The following FHIT variants were observed in gnomAD, a reference collection of about 807,000 sequenced individuals.
The protein encoded by FHIT is bis(5'-adenosyl)-triphosphatase.
In FHIT, 19 loss-of-function variants were observed where a neutral mutation model predicts 17.9. The observed-to-expected ratio is 1.06, with a 90% CI of 0.74 to 1.56. The LOEUF is 1.56. Among genes scored for constraint, FHIT ranks in the 40% most tolerant of loss-of-function variants. The pLI, the probability that FHIT is intolerant of heterozygous loss-of-function variation, is 0.00. For synonymous variants in FHIT, 81 were observed against 69.7 expected (o/e 1.16, Z -0.81); for missense variants, 248 against 189.2 (o/e 1.31, Z -1.82).
At chr3:61,083,097 A>C (rs1002757432) in intron 2 of FHIT, among the ~76,000 whole-genome samples, 2 of 152,200 alleles carry the variant, frequency 1.3e-5, no homozygotes, top group African/African-American at 2.4e-5. Flanking sequence ...TCTTTAGTTC[A>C]TAAACTTTCC....
At position 60,079,578 on chromosome 3, in the gene FHIT, C is replaced by G. The variant is rs1306393062; in HGVS notation, c.104-65426G>C. ...CCTCTCTCCTTTTTGCTTCCAGTCA[C>G]TCATATGCCACCCACTCCTGAGAAC... On this transcript the variant is annotated intron_variant, in intron 5 of 9. Coordinates refer to ENST00000492590, the MANE Select transcript of FHIT (RefSeq NM_002012.4). 5.9e-5 allele frequency among the ~76,000 whole-genome samples: 9 copies of G among 152,154 alleles called. No homozygotes were observed. The East Asian group carries it at 1.2e-3, about 20-fold the overall frequency.
intron 4 of FHIT, among the ~76,000 whole-genome samples, chr3:60,628,748 G>T (rs1408996180): frequency 6.6e-6 from 1 of 152,134 alleles, no homozygotes; most frequent in African/African-American, 2.4e-5. Flanking sequence ...TTTGGACAAT[G>T]ACCTTAGTTA....
At chr3:60,924,388 T>A (rs1282205553) in intron 3 of FHIT, among the ~76,000 whole-genome samples, 3 of 152,076 alleles carry the variant, frequency 2.0e-5, no homozygotes, top group African/African-American at 4.8e-5. Flanking sequence ...GTCAGGAACA[T>A]TTGCTGTTCA....
chr3:60,721,530 A>G (rs182810024), intron 4 of FHIT, among the ~76,000 whole-genome samples: 2 of 152,316 alleles, frequency 1.3e-5, no homozygotes, highest in East Asian at 3.9e-4. Flanking sequence ...AGGCCTCAGA[A>G]TTGTTATAAA....
chr3:60,327,358 T>G (rs1467276991), intron 5 of FHIT, among the ~76,000 whole-genome samples: 1 of 152,204 alleles, frequency 6.6e-6, no homozygotes, highest in Non-Finnish European at 1.5e-5. Context: ...TGTCAGAGAT[T>G]AGCTATTTTA....
At chr3:59,898,021 C>T (rs934850482) in intron 8 of FHIT, among the ~76,000 whole-genome samples, 2 of 152,074 alleles carry the variant, frequency 1.3e-5, no homozygotes, top group African/African-American at 4.8e-5. Flanking sequence ...CCCGCCTTGG[C>T]CTCCCAAAGT....
intron 4 of FHIT, among the ~76,000 whole-genome samples, chr3:60,662,555 T>A (rs1553691439): frequency 1.3e-5 from 2 of 152,174 alleles, no homozygotes; most frequent in Non-Finnish European, 1.5e-5. Flanking sequence ...ATTTTTGGAT[T>A]GTTTTTTTCT....
chr3:60,690,209 A>G (rs1490697065), intron 4 of FHIT: 1 of 492,930 alleles, frequency 2.0e-6, no homozygotes, highest in Non-Finnish European at 3.9e-6. Flanking sequence ...TTAAGATAAA[A>G]CACAAGTCAA....
chr3:59,785,556 T>G (rs1439560761), intron 8 of FHIT, among the ~76,000 whole-genome samples: 1 of 152,094 alleles, frequency 6.6e-6, no homozygotes, highest in Non-Finnish European at 1.5e-5. Flanking sequence ...TGACCTCAAG[T>G]GATCCGCCCA....
intron 7 of FHIT, among the ~76,000 whole-genome samples, chr3:59,938,756 A>G (rs1274307160): frequency 6.6e-6 from 1 of 152,190 alleles, no homozygotes; most frequent in Non-Finnish European, 1.5e-5. Flanking sequence ...TTTTCAAAAT[A>G]AGTTTGAAAA....
At chr3:60,288,606 G>A (rs1365515124) in intron 5 of FHIT, among the ~76,000 whole-genome samples, 1 of 141,216 alleles carries the variant, frequency 7.1e-6, no homozygotes, top group African/African-American at 2.6e-5. Flanking sequence ...TGTGTGTGTG[G>A]AGGGGGGTGT....
At chr3:59,823,389 T>C (rs774512148) in intron 8 of FHIT, among the ~76,000 whole-genome samples, 3 of 152,138 alleles carry the variant, frequency 2.0e-5, no homozygotes, top group Non-Finnish European at 4.4e-5. Flanking sequence ...GGCAGTATGG[T>C]CATTTTCACA....
chr3:61,108,151 T>C (rs528306563), intron 2 of FHIT, among the ~76,000 whole-genome samples: 2 of 152,308 alleles, frequency 1.3e-5, no homozygotes, highest in East Asian at 3.9e-4. Flanking sequence ...ACTTGGCCAT[T>C]CATATCTCTT....
intron 3 of FHIT, among the ~76,000 whole-genome samples, chr3:60,951,924 G>C (rs1708901826): frequency 6.6e-6 from 1 of 152,138 alleles, no homozygotes; most frequent in South Asian, 2.1e-4. Context: ...CCAGCACTTT[G>C]GGAGGCCAAG....
At chr3:60,452,996 G>A (rs1195117065) in intron 5 of FHIT, among the ~76,000 whole-genome samples, 2 of 152,192 alleles carry the variant, frequency 1.3e-5, no homozygotes, top group South Asian at 2.1e-4. Context: ...AGCAAAGAAT[G>A]TAAGGATGTG....
At chr3:60,696,865 C>T (rs2041124484) in intron 4 of FHIT, among the ~76,000 whole-genome samples, 1 of 152,166 alleles carries the variant, frequency 6.6e-6, no homozygotes, top group Non-Finnish European at 1.5e-5. Flanking sequence ...GAAAGTATCA[C>T]TGGACTGGCC....
intron 4 of FHIT, among the ~76,000 whole-genome samples, chr3:60,747,072 C>T (rs2042372193): frequency 6.6e-6 from 1 of 152,034 alleles, no homozygotes; most frequent in Non-Finnish European, 1.5e-5. Flanking sequence ...GGTTTTATCT[C>T]CTGTGAATTC....
At chr3:60,929,461 CCCCATCATCTCAG>C (rs1180348091) in intron 3 of FHIT, among the ~76,000 whole-genome samples, 1 of 152,140 alleles carries the variant, frequency 6.6e-6, no homozygotes, top group Non-Finnish European at 1.5e-5. Context: ...ATCTAGAAAA[CCCCATCATCTCAG>C]CCCAAAATCT....
At chr3:60,819,899 A>T (rs547608218) in intron 4 of FHIT, among the ~76,000 whole-genome samples, 1 of 152,352 alleles carries the variant, frequency 6.6e-6, no homozygotes, top group East Asian at 1.9e-4. Context: ...TTCTAGGAGT[A>T]AGTAGGGTTT....
Sources: allele counts gnomAD v4.1 joint callset (sites outside exome capture counted in the v4.1 genomes callset), GRCh38; gene constraint gnomAD v4.1.1; transcripts MANE v1.5; gene names NCBI Gene and HGNC (gene_info 2026-07-23, HGNC 2026-07-21).